The following RPAP2 variants were observed in gnomAD, a reference collection of about 807,000 sequenced individuals.
The protein encoded by RPAP2 is RNA polymerase II associated protein 2, also known as putative RNA polymerase II subunit B1 CTD phosphatase RPAP2.
In RPAP2, 52 loss-of-function variants were observed where a neutral mutation model predicts 73.1. That is an observed-to-expected ratio of 0.71 (90% CI 0.57 to 0.90). RPAP2 has a LOEUF of 0.90. Ranked by LOEUF, RPAP2 falls within the 40% of genes least tolerant of loss-of-function variation. RPAP2 has a pLI of 0.00. For synonymous variants in RPAP2, 225 were observed against 242.1 expected (o/e 0.93, Z 0.65); for missense variants, 598 against 701.8 (o/e 0.85, Z 1.67).
chr1:92,307,008 A>T (rs544158436), intron 5 of RPAP2, among the ~76,000 whole-genome samples, 180 bp from the exon 6 acceptor site: 77 of 152,208 alleles, frequency 5.1e-4, no homozygotes, highest in African/African-American at 1.8e-3. Flanking sequence ...AGGGTGATGC[A>T]GTTGGGAAGG....
chr1:92,367,462 T>C (rs1453886625), intron 11 of RPAP2, among the ~76,000 whole-genome samples: 1 of 152,254 alleles, frequency 6.6e-6, no homozygotes, highest in African/African-American at 2.4e-5. Context: ...AAGGTATGGC[T>C]GTTTGACAGA....
At chr1:92,364,176 G>A (rs1054996815) in intron 11 of RPAP2, among the ~76,000 whole-genome samples, 3 of 152,074 alleles carry the variant, frequency 2.0e-5, no homozygotes, top group Admixed American at 6.6e-5. Flanking sequence ...GATTTGTAGT[G>A]GTATCGACCT....
At chr1:92,309,163 G>C (rs1651421247) in intron 6 of RPAP2, among the ~76,000 whole-genome samples, 1 of 152,116 alleles carries the variant, frequency 6.6e-6, no homozygotes, top group Admixed American at 6.6e-5. Flanking sequence ...TGTCCTTTGT[G>C]CCGGGCGTGG....
intron 11 of RPAP2, among the ~76,000 whole-genome samples, chr1:92,353,801 C>T (rs902776189): frequency 1.5e-4 from 23 of 152,078 alleles, no homozygotes; most frequent in African/African-American, 5.3e-4. Flanking sequence ...AAAAACATAT[C>T]TTTAAATTGA....
In RPAP2 at chr1:92,361,908, T is replaced by C. The variant is rs751511959; in HGVS notation, c.1688+15994T>C. On this transcript the variant is annotated intron_variant, in intron 11 of 12. Coordinates refer to ENST00000610020, the MANE Select transcript of RPAP2 (RefSeq NM_024813.3). ...ATAGAGCAGTTAATCACCAGGTCGA[T>C]AGAGGTGGCACTAAGTCTTTTAGTT... 1.2e-4 allele frequency among the ~76,000 whole-genome samples: 19 copies of C among 152,188 alleles called. No homozygotes were observed. The South Asian group carries it at 1.7e-3, about 13-fold the overall frequency.
intron 6 of RPAP2, among the ~76,000 whole-genome samples, chr1:92,320,393 C>T (rs1652180033): frequency 6.6e-6 from 1 of 152,136 alleles, no homozygotes; most frequent in East Asian, 1.9e-4. Flanking sequence ...CTGCCTCAGC[C>T]TCCTGAGTAG....
chr1:92,341,524 T>A (rs1653592063), intron 10 of RPAP2, among the ~76,000 whole-genome samples: 1 of 152,214 alleles, frequency 6.6e-6, no homozygotes, highest in Non-Finnish European at 1.5e-5. Flanking sequence ...CTTATTTGTG[T>A]TCTCTCCAGT....
chr1:92,345,087 AATTT>A (rs1331745747), intron 10 of RPAP2, among the ~76,000 whole-genome samples: 8 of 152,258 alleles, frequency 5.3e-5, no homozygotes, highest in African/African-American at 1.7e-4. Flanking sequence ...CTATTCTTAT[AATTT>A]ATTAAGCCAA....
In RPAP2 at chr1:92,324,049, T is replaced by A; in HGVS notation, c.1129T>A (p.Trp377Arg). ...AGTTTTGAAGGAGACTTTGATTGAG[T>A]GGAAGACAGAAGAAACATTGAGGTT... is the stretch of plus-strand genomic sequence containing the variant. ...LKVLKETLIE[W>R]KTEETLRFLY... is the part of the protein sequence containing the mutation. The change falls in exon 8 of 13, where the codon TGG becomes AGG. Residue 377 changes from tryptophan to arginine, a missense_variant. By Grantham distance (101) the Trp-to-Arg change is moderately radical. Transcript: ENST00000610020. 6.2e-7 allele frequency: 1 copy of A among 1,613,968 alleles called. No homozygotes were observed. The highest frequency in any genetic ancestry group is 8.5e-7 in the Non-Finnish European group (1 of 1,179,930).
intron 11 of RPAP2, among the ~76,000 whole-genome samples, chr1:92,379,830 G>A (rs1655546327): frequency 6.6e-6 from 1 of 151,782 alleles, no homozygotes; most frequent in South Asian, 2.1e-4. Context: ...AGCTACTCAG[G>A]AGGCTGAGGC....
rs1169072871 is a variant in RPAP2, at chr1:92,392,446, C to T, written c.*5435C>T. On this transcript the variant is annotated 3_prime_UTR_variant, in exon 13 of 13. Coordinates refer to ENST00000610020, the MANE Select transcript of RPAP2 (RefSeq NM_024813.3). ...CAATAGCATACTGAATGGGCAAAAG[C>T]TGGAAGCATTTCCTTTGAAGACCAG... The T allele has an allele frequency of 1.3e-5, 2 of 152,158 alleles. No individual in the cohort carries two copies. Among genetic ancestry groups the T allele is most frequent in the Non-Finnish European group, 2.9e-5 (2 of 68,030 alleles). 9.4% of individuals were successfully genotyped at this position (152,158 alleles called of 1,614,324 possible).
At position 92,304,172 on chromosome 1, in the gene RPAP2, A is replaced by G. The variant is rs149655251; in HGVS notation, c.333+97A>G. On this transcript the variant is annotated intron_variant, in intron 4 of 12. Transcript: ENST00000610020. ...TAAGAAATAAAACCTAAGGTCATGA[A>G]CTAAAGGCATGGATTGGCCAATGAT... is the stretch of plus-strand genomic sequence containing the variant. 524 of 1,163,394 alleles carry G rather than the reference A, an allele frequency of 4.5e-4. 4 individuals carry two copies. In the African/African-American group the frequency reaches 6.1e-3, roughly 14 times the overall value. The allele number at this position is 1,163,394 out of a possible 1,614,324, so 72.1% of individuals were successfully genotyped here.
chr1:92,306,793 C>T (rs1651268427), intron 5 of RPAP2, among the ~76,000 whole-genome samples: 2 of 151,920 alleles, frequency 1.3e-5, no homozygotes, highest in Admixed American at 1.3e-4. Context: ...GAGTGAGACC[C>T]TGTCCCTAAA....
chr1:92,371,972 T>G (rs1324593398), intron 11 of RPAP2, among the ~76,000 whole-genome samples: 1 of 151,884 alleles, frequency 6.6e-6, no homozygotes, highest in African/African-American at 2.4e-5. Flanking sequence ...TAGCCATTAT[T>G]ATCATCATCA....
intron 11 of RPAP2, among the ~76,000 whole-genome samples, chr1:92,350,012 C>A (rs546947482): frequency 1.3e-5 from 2 of 152,254 alleles, no homozygotes; most frequent in African/African-American, 4.8e-5. Context: ...AGAAAAAAAT[C>A]TGACCAGTTG....
chr1:92,332,844 T>C (rs1393050544), intron 8 of RPAP2, among the ~76,000 whole-genome samples: 2 of 152,164 alleles, frequency 1.3e-5, no homozygotes, highest in Non-Finnish European at 2.9e-5. Flanking sequence ...TGTAATTACC[T>C]TCTCCAGGAT....
chr1:92,309,672 C>T (rs1388440515), intron 6 of RPAP2, among the ~76,000 whole-genome samples: 1 of 152,002 alleles, frequency 6.6e-6, no homozygotes, highest in Non-Finnish European at 1.5e-5. Flanking sequence ...TCACTGGATG[C>T]CAGAACATGA....
Position 92,300,403 on chromosome 1 carries a change from C to T in RPAP2, c.119+164C>T, listed in dbSNP as rs75968796. ...CTATAAATTCTCACATAGACTGTTACATTCCTCTACTCCAGGCTTTAAGAA... is the reference window on the plus strand; with the variant it reads ...CTATAAATTCTCACATAGACTGTTATATTCCTCTACTCCAGGCTTTAAGAA... On this transcript the variant is annotated intron_variant, in intron 2 of 12. Transcript: ENST00000610020. Among the ~76,000 whole-genome samples the T allele has an allele frequency of 1.7e-3, 262 of 152,060 alleles. 8 individuals carry two copies. The East Asian group carries it at 0.046, about 27-fold the overall frequency.
At chr1:92,363,120 C>T (rs1319750742) in intron 11 of RPAP2, among the ~76,000 whole-genome samples, 1 of 152,144 alleles carries the variant, frequency 6.6e-6, no homozygotes, top group Non-Finnish European at 1.5e-5. Context: ...TTGAAGGAGT[C>T]TATGAACCCC....
Sources: allele counts gnomAD v4.1 joint callset (sites outside exome capture counted in the v4.1 genomes callset), GRCh38; gene constraint gnomAD v4.1.1; transcripts MANE v1.5; gene names NCBI Gene and HGNC (gene_info 2026-07-23, HGNC 2026-07-21).